The following CYP7B1 variants were observed in gnomAD, a reference collection of about 807,000 sequenced individuals.
The protein encoded by CYP7B1 is cytochrome P450 family 7 subfamily B member 1.
Under a neutral mutation model 42.7 loss-of-function variants are expected in CYP7B1, and 29 were observed. That is an observed-to-expected ratio of 0.68 (90% CI 0.51 to 0.93). The LOEUF is 0.93. Ranked by LOEUF, CYP7B1 falls within the 40% of genes least tolerant of loss-of-function variation. The pLI, the probability that CYP7B1 is intolerant of heterozygous loss-of-function variation, is 0.00. For missense variants in CYP7B1, 655 were observed against 600.5 expected, an observed-to-expected ratio of 1.09 and a Z score of -0.95; for synonymous variants, 235 against 218.2, an observed-to-expected ratio of 1.08 and a Z score of -0.68.
chr8:64,648,807 T>A (rs766540597), intron 1 of CYP7B1, among the ~76,000 whole-genome samples: 4 of 152,202 alleles, frequency 2.6e-5, no homozygotes, highest in African/African-American at 4.8e-5. Flanking sequence ...CTGAATGGGA[T>A]ATGGAAGAGT....
intron 1 of CYP7B1, among the ~76,000 whole-genome samples, chr8:64,723,805 GA>G (rs541792576): frequency 1.5e-4 from 22 of 147,444 alleles, no homozygotes; most frequent in African/African-American, 4.5e-4. Context: ...AGCTAAAAAA[GA>G]AAAAAAAACA....
chr8:64,639,060 T>C (rs140681993), intron 1 of CYP7B1, among the ~76,000 whole-genome samples: 3 of 152,182 alleles, frequency 2.0e-5, no homozygotes, highest in African/African-American at 7.2e-5. Flanking sequence ...CAGAAATAGC[T>C]GGATTTTCAC....
intron 1 of CYP7B1, among the ~76,000 whole-genome samples, chr8:64,792,947 T>G (rs929843544): frequency 6.6e-6 from 1 of 152,068 alleles, no homozygotes; most frequent in Non-Finnish European, 1.5e-5. Context: ...AAGTTAAGGA[T>G]CGTGACAAGA....
intron 1 of CYP7B1, among the ~76,000 whole-genome samples, chr8:64,699,654 G>T (rs894457423): frequency 6.6e-6 from 1 of 151,872 alleles, no homozygotes; most frequent in African/African-American, 2.4e-5. Context: ...AATCAGTTTT[G>T]TTCCATTTTT....
intron 1 of CYP7B1, among the ~76,000 whole-genome samples, chr8:64,731,360 GGAA>G (rs1807406128): frequency 6.6e-6 from 1 of 152,130 alleles, no homozygotes; most frequent in Non-Finnish European, 1.5e-5. Context: ...AAACTTGTTG[GGAA>G]CTGTAACAAA....
At chr8:64,603,271 A>G (rs1469976587) in intron 5 of CYP7B1, among the ~76,000 whole-genome samples, 1 of 152,192 alleles carries the variant, frequency 6.6e-6, no homozygotes, top group Non-Finnish European at 1.5e-5. Flanking sequence ...TTTAACTTTG[A>G]GTTTTAAGTT....
rs1333485082 is a variant in CYP7B1, at chr8:64,771,302, C to T, written c.122+27164G>A. The stretch of plus-strand genomic sequence containing the variant: ...GTCTCGATCTCCTGACCTCATGATC[C>T]GCCCGCCTCGGCCTCTCAAAGTGCT... On this transcript the variant is annotated intron_variant, in intron 1 of 5. Transcript: ENST00000310193. Among the ~76,000 whole-genome samples the T allele has an allele frequency of 5.9e-5, 9 of 151,654 alleles. No individual in the cohort carries two copies. The East Asian group carries it at 1.4e-3, about 23-fold the overall frequency.
At chr8:64,670,691 AAGAC>A (rs1273112425) in intron 1 of CYP7B1, among the ~76,000 whole-genome samples, 1 of 152,182 alleles carries the variant, frequency 6.6e-6, no homozygotes, top group African/African-American at 2.4e-5. Context: ...AACTGAACCA[AAGAC>A]AGACAGTTAC....
chr8:64,725,116 T>C lies in CYP7B1; in HGVS notation c.122+73350A>G, dbSNP rs544509350. Reference sequence around the variant, plus strand: ...AATCCGTAACCATTAGATCACCCCCTTTGGTCCAATCACATTTCTACATAG... The same window carrying C: ...AATCCGTAACCATTAGATCACCCCCCTTGGTCCAATCACATTTCTACATAG... On this transcript the variant is annotated intron_variant, in intron 1 of 5. Coordinates refer to ENST00000310193, the MANE Select transcript of CYP7B1 (RefSeq NM_004820.5). 6.2e-4 allele frequency among the ~76,000 whole-genome samples: 95 copies of C among 152,288 alleles called. 1 individual carries two copies. The highest frequency in any genetic ancestry group is 3.8e-3 in the Admixed American group (58 of 15,292).
intron 4 of CYP7B1, among the ~76,000 whole-genome samples, chr8:64,610,726 A>G (rs1214808485): frequency 6.6e-6 from 1 of 152,130 alleles, no homozygotes; most frequent in African/African-American, 2.4e-5. Flanking sequence ...ACCCAACTGC[A>G]TTTGAGAATC....
intron 1 of CYP7B1, among the ~76,000 whole-genome samples, chr8:64,698,785 G>T (rs1806869941): frequency 1.3e-5 from 2 of 152,152 alleles, no homozygotes; most frequent in South Asian, 4.1e-4. Flanking sequence ...TCATTAAAAA[G>T]AATGACCCAA....
chr8:64,595,491 T>C lies in CYP7B1; in HGVS notation c.*1151A>G, dbSNP rs1805103564. On this transcript the variant is annotated 3_prime_UTR_variant, in exon 6 of 6. Coordinates refer to ENST00000310193, the MANE Select transcript of CYP7B1 (RefSeq NM_004820.5). The stretch of plus-strand genomic sequence containing the variant: ...TGCCAATCATGTGGTACTCTGATAT[T>C]AGAATCTTTGAATCACTGGGCTTGG... Among the ~76,000 whole-genome samples the C allele has an allele frequency of 1.3e-5, 2 of 152,196 alleles. No individual in the cohort carries two copies. Among genetic ancestry groups the C allele is most frequent in the South Asian group, 4.1e-4 (2 of 4,830 alleles).
intron 1 of CYP7B1, among the ~76,000 whole-genome samples, chr8:64,679,189 C>T (rs922835458): frequency 6.6e-6 from 1 of 152,086 alleles, no homozygotes; most frequent in Non-Finnish European, 1.5e-5. Flanking sequence ...TATATTCATT[C>T]ATTCATTCAT....
intron 2 of CYP7B1, among the ~76,000 whole-genome samples, chr8:64,620,647 C>T (rs904286115): frequency 9.2e-5 from 14 of 152,140 alleles, no homozygotes; most frequent in Non-Finnish European, 1.3e-4. Flanking sequence ...GAGACAAGAG[C>T]GGAAGACTTT....
At position 64,591,985 on chromosome 8, in the gene CYP7B1, C is replaced by T. The variant is rs1163521966; in HGVS notation, c.*4657G>A. ...GGTGGATCACCTGAGGTCTGGAGTT[C>T]GAGACCAGCCTGATCAACATGGTGA... On this transcript the variant is annotated 3_prime_UTR_variant, in exon 6 of 6. Coordinates refer to ENST00000310193, the MANE Select transcript of CYP7B1 (RefSeq NM_004820.5). Among the ~76,000 whole-genome samples, 2 of 151,970 alleles carry T rather than the reference C, an allele frequency of 1.3e-5. No individual in the cohort carries two copies. Among genetic ancestry groups the T allele is most frequent in the South Asian group, 4.1e-4 (2 of 4,820 alleles).
chr8:64,729,096 G>A (rs561468507), intron 1 of CYP7B1: 1 of 152,348 alleles, frequency 6.6e-6, no homozygotes, highest in South Asian at 2.1e-4. Context: ...GGAAGTTGAG[G>A]CTGCAGACAA....
At chr8:64,747,456 A>G (rs1357878484) in intron 1 of CYP7B1, among the ~76,000 whole-genome samples, 3 of 151,410 alleles carry the variant, frequency 2.0e-5, no homozygotes, top group Non-Finnish European at 4.4e-5. Flanking sequence ...AGCCTTACCA[A>G]TAACATAAAA....
At chr8:64,787,197 T>C (rs1804542252) in intron 1 of CYP7B1, among the ~76,000 whole-genome samples, 1 of 152,206 alleles carries the variant, frequency 6.6e-6, no homozygotes, top group Admixed American at 6.5e-5. Flanking sequence ...AGCTCCTCCT[T>C]ACTTATGCAA....
chr8:64,702,244 C>T (rs891687029), intron 1 of CYP7B1, among the ~76,000 whole-genome samples: 1 of 152,030 alleles, frequency 6.6e-6, no homozygotes, highest in African/African-American at 2.4e-5. Flanking sequence ...AAGAAAAACA[C>T]TTCTAGAGGG....
Sources: allele counts gnomAD v4.1 joint callset (sites outside exome capture counted in the v4.1 genomes callset), GRCh38; gene constraint gnomAD v4.1.1; transcripts MANE v1.5; gene names NCBI Gene and HGNC (gene_info 2026-07-23, HGNC 2026-07-21).